IQSEC3: variants seen among roughly 807,000 people sequenced by gnomAD.
IQSEC3 encodes IQ motif and SEC7 domain-containing protein 3.
A neutral mutation model predicts 105.4 loss-of-function variants in IQSEC3; 50 were observed. That is an observed-to-expected ratio of 0.47 (90% CI 0.38 to 0.60). IQSEC3 has a LOEUF of 0.60. Ranked by LOEUF, IQSEC3 falls within the 20% of genes least tolerant of loss-of-function variation. The pLI, the probability that IQSEC3 is intolerant of heterozygous loss-of-function variation, is 0.00. For missense variants in IQSEC3, 1,415 were observed against 1,630.0 expected, an observed-to-expected ratio of 0.87 and a Z score of 2.27; for synonymous variants, 708 against 746.0, an observed-to-expected ratio of 0.95 and a Z score of 0.83.
chr12:149,443 C>A (rs566365298), intron 5 of IQSEC3, among the ~76,000 whole-genome samples: 2 of 152,282 alleles, frequency 1.3e-5, no homozygotes, highest in Non-Finnish European at 2.9e-5. Context: ...GCAAAGCAGG[C>A]TGAGTAATCC....
In IQSEC3 at chr12:67,309, G is replaced by C; in HGVS notation, c.427G>C (p.Gly143Arg). 1.3e-6 allele frequency: 2 copies of C among 1,598,438 alleles called. No individual in the cohort carries two copies. Among genetic ancestry groups the C allele is most frequent in the African/African-American group, 1.3e-5 (1 of 75,016 alleles). The change falls in exon 1 of 14, where the codon GGG becomes CGG. Residue 143 changes from glycine to arginine, a missense_variant. Gly to Arg is a moderately radical substitution (Grantham distance 125). Around this residue, in one of 6 missense-constraint regions of IQSEC3, gnomAD observed 26 missense variants for 108.1 expected, o/e 0.24. Coordinates refer to ENST00000538872, the MANE Select transcript of IQSEC3 (RefSeq NM_001170738.2). ...HTPQSPHKHL[G>R]TQGAVTDKEK... ...ACCCCAGTCGCCCCACAAGCATCTG[G>C]GGACACAAGGGGCCGTGACTGACAA...
chr12:110,582 G>A (rs190525633), intron 2 of IQSEC3, among the ~76,000 whole-genome samples: 1 of 152,122 alleles, frequency 6.6e-6, no homozygotes, highest in Non-Finnish European at 1.5e-5. Flanking sequence ...TCAGCTGGCA[G>A]GACTCCTTAC....
At chr12:100,187 A>G (rs1864377672) in intron 2 of IQSEC3, among the ~76,000 whole-genome samples, 1 of 151,964 alleles carries the variant, frequency 6.6e-6, no homozygotes, top group Admixed American at 6.6e-5. Flanking sequence ...AGTGGCATTC[A>G]CCTATCATCC....
Position 157,936 on chromosome 12 carries a change from C to T in IQSEC3, c.2443+242C>T, listed in dbSNP as rs560209375. Among the ~76,000 whole-genome samples, 3 of 152,384 alleles carry T rather than the reference C, an allele frequency of 2.0e-5. No individual in the cohort carries two copies. The South Asian group carries it at 6.2e-4, about 32-fold the overall frequency. ...GCGCCCTTGGGCAGTGCCTCTTGCC[C>T]TCCGTGGAACATGGTTGGCCTCTAG... On this transcript the variant is annotated intron_variant, in intron 7 of 13. Transcript: ENST00000538872.
At chr12:155,840 G>A (rs1404375868) in intron 5 of IQSEC3, among the ~76,000 whole-genome samples, 1 of 152,186 alleles carries the variant, frequency 6.6e-6, no homozygotes, top group Non-Finnish European at 1.5e-5. Context: ...CAGGGGCTGT[G>A]CCATAGCCAG....
At chr12:82,980 C>T (rs558388139) in intron 1 of IQSEC3, among the ~76,000 whole-genome samples, 5 of 152,352 alleles carry the variant, frequency 3.3e-5, no homozygotes, top group African/African-American at 1.2e-4. Flanking sequence ...TGCAGTGAGG[C>T]TCTCAGGAGG....
intron 1 of IQSEC3, among the ~76,000 whole-genome samples, chr12:76,508 C>A (rs1232910687): frequency 1.3e-5 from 2 of 152,284 alleles, no homozygotes; most frequent in Non-Finnish European, 2.9e-5. Flanking sequence ...TCCCAATGAC[C>A]CCTGGCCTGG....
chr12:103,315 C>T (rs909948067), intron 2 of IQSEC3, among the ~76,000 whole-genome samples: 3 of 147,610 alleles, frequency 2.0e-5, no homozygotes, highest in East Asian at 2.0e-4. Flanking sequence ...TGGGAGGAGG[C>T]GGCTGTGGGA....
chr12:143,828 T>C (rs1555090104), intron 5 of IQSEC3: 1 of 53,362 alleles, frequency 1.9e-5, no homozygotes, highest in South Asian at 6.9e-4. Flanking sequence ...TGGGCACCCG[T>C]GTGTGTGTGT....
intron 5 of IQSEC3, among the ~76,000 whole-genome samples, chr12:147,212 G>A (rs149835939): frequency 1.2e-3 from 176 of 152,226 alleles, no homozygotes; most frequent in African/African-American, 4.1e-3. Flanking sequence ...AGGGTCTTCC[G>A]GGGTGTCACT....
intron 1 of IQSEC3, among the ~76,000 whole-genome samples, chr12:96,931 G>A (rs1864257867): frequency 6.6e-6 from 1 of 152,204 alleles, no homozygotes; most frequent in Admixed American, 6.5e-5. Flanking sequence ...TAATGGGTCA[G>A]GGCAGCCCTC....
intron 1 of IQSEC3, among the ~76,000 whole-genome samples, chr12:72,770 C>T (rs1265143735): frequency 6.5e-5 from 7 of 107,736 alleles, no homozygotes; most frequent in African/African-American, 9.2e-5. Context: ...CAGGGCCAGG[C>T]GTGGTGGCTC....
At chr12:158,244 C>A (rs1433801317) in intron 7 of IQSEC3, among the ~76,000 whole-genome samples, 4 of 152,066 alleles carry the variant, frequency 2.6e-5, no homozygotes, top group African/African-American at 9.7e-5. Flanking sequence ...TCAAATAATC[C>A]TACAAGGCTT....
chr12:76,758 A>G (rs1360890477), intron 1 of IQSEC3, among the ~76,000 whole-genome samples: 1 of 152,274 alleles, frequency 6.6e-6, no homozygotes, highest in Non-Finnish European at 1.5e-5. Flanking sequence ...CTACGGAGGT[A>G]TAGTGTCTGG....
chr12:157,486 G>C (rs781959715), intron 6 of IQSEC3, 42 bp from the exon 7 acceptor site: 2 of 1,574,614 alleles, frequency 1.3e-6, no homozygotes, highest in South Asian at 1.2e-5. Context: ...GGGGAGGGTG[G>C]GCGGGGGCTC....
At chr12:102,724 C>G (rs1481590635) in intron 2 of IQSEC3, among the ~76,000 whole-genome samples, 2 of 152,206 alleles carry the variant, frequency 1.3e-5, no homozygotes, top group African/African-American at 4.8e-5. Flanking sequence ...GGGAGCCGGA[C>G]AGGGAGTGAT....
intron 2 of IQSEC3, among the ~76,000 whole-genome samples, chr12:121,366 G>A (rs546477911): frequency 1.3e-5 from 2 of 152,336 alleles, no homozygotes; most frequent in African/African-American, 2.4e-5. Flanking sequence ...TGTAGATGGA[G>A]TGCAGAGGAA....
chr12:163,418 T>G, intron 8 of IQSEC3, 76 bp from the exon 9 acceptor site: 1 of 1,319,324 alleles, frequency 7.6e-7, no homozygotes, highest in Non-Finnish European at 9.9e-7. Context: ...TGTCTCCTCT[T>G]CTGGAAAATG....
At position 163,538 on chromosome 12, in the gene IQSEC3, C is replaced by G. The variant is rs1034423937; in HGVS notation, c.2628C>G (p.Leu876=). ...GCCGCCTGGTGTGCTGCAGCCGGCT[C>G]TTCGAGGTGACGGATGTGAACAAGC... ...PHRRLVCCSR[L]FEVTDVNKLQ... is the part of the protein sequence containing the mutation. Residue 876 remains leucine, a synonymous_variant, in exon 9 of 14, where the codon CTC becomes CTG. Transcript: ENST00000538872. 2.4e-5 allele frequency: 38 copies of G among 1,611,818 alleles called. No homozygotes were observed. The highest frequency in any genetic ancestry group is 3.3e-5 in the Admixed American group (2 of 59,986).
Sources: gnomAD v4.1 joint callset for allele counts (sites outside exome capture counted in the v4.1 genomes callset) on GRCh38, gnomAD v4.1.1 for gene constraint, gnomAD v4.1.1 regional missense constraint, MANE v1.5 for transcripts, NCBI Gene and HGNC (gene_info 2026-07-23, HGNC 2026-07-21) for gene names.